The following NAA40 variants were observed in gnomAD, a reference collection of about 807,000 sequenced individuals.
NAA40 encodes the protein N-alpha-acetyltransferase 40.
Under a neutral mutation model 36.6 loss-of-function variants are expected in NAA40, and 26 were observed. The ratio of observed to expected loss-of-function variants is 0.71; its 90% CI spans 0.52 to 0.98. The LOEUF is 0.98. Among genes scored for constraint, NAA40 ranks in the 50% least tolerant of loss-of-function variants. The pLI is 0.00. For synonymous variants in NAA40, 129 were observed against 108.4 expected (o/e 1.19, Z -1.18); for missense variants, 237 against 306.5 (o/e 0.77, Z 1.69).
At chr11:63,950,124 T>TG (rs1162697611) in intron 3 of NAA40, among the ~76,000 whole-genome samples, 5 of 37,914 alleles carry the variant, frequency 1.3e-4, no homozygotes, top group African/African-American at 2.6e-4. Context: ...TTTTTTTTGT[T>TG]TTTTTTTTTT....
intron 6 of NAA40, among the ~76,000 whole-genome samples, chr11:63,953,617 T>C (rs200637342): frequency 6.6e-6 from 1 of 151,974 alleles, no homozygotes; most frequent in East Asian, 1.9e-4. Flanking sequence ...ATGACCTTAG[T>C]CTCTGTGTCT....
intron 2 of NAA40, chr11:63,946,717 C>T (rs1942192310): frequency 2.6e-6 from 4 of 1,518,262 alleles, no homozygotes; most frequent in African/African-American, 1.4e-5. Context: ...CTCCTCTTGC[C>T]CTGTCAGGTG....
chr11:63,954,297 A>G, intron 7 of NAA40, 41 bp from the exon 8 acceptor site: 1 of 1,550,782 alleles, frequency 6.4e-7, no homozygotes, highest in Middle Eastern at 1.9e-4. Context: ...GAAGGCACTC[A>G]GCTGCCTGCC....
chr11:63,942,914 C>A (rs1368668497), intron 1 of NAA40, among the ~76,000 whole-genome samples: 4 of 152,246 alleles, frequency 2.6e-5, no homozygotes, highest in Non-Finnish European at 5.9e-5. Flanking sequence ...CCGGCTGGCC[C>A]TCCTGCTGCT....
Position 63,952,426 on chromosome 11 carries a change from G to A in NAA40, c.271G>A (p.Gly91Ser). 2 of 1,614,214 alleles carry A rather than the reference G, an allele frequency of 1.2e-6. No homozygotes were observed. Among genetic ancestry groups the A allele is most frequent in the Non-Finnish European group, 1.7e-6 (2 of 1,180,036 alleles). ...CCCCAGGTATGAGCAGAGCGAGTGG[G>A]GCTGGAAGGACCGAGAGAAACGGGA... ...MQTMYEQSEW[G>S]WKDREKREEM... is the part of the protein sequence containing the mutation. The change falls in exon 5 of 8, where the codon GGC becomes AGC. Residue 91 changes from glycine to serine, a missense_variant. Gly to Ser is a moderately conservative substitution (Grantham distance 56, BLOSUM62 0). Coordinates refer to ENST00000377793, the MANE Select transcript of NAA40 (RefSeq NM_024771.4).
intron 1 of NAA40, among the ~76,000 whole-genome samples, chr11:63,939,914 C>T (rs1942079928): frequency 6.6e-6 from 1 of 152,042 alleles, no homozygotes; most frequent in East Asian, 1.9e-4. Flanking sequence ...AGTTTACTTT[C>T]CCGGGATATA....
At chr11:63,951,994 C>T (rs1007233264) in intron 3 of NAA40, among the ~76,000 whole-genome samples, 6 of 152,184 alleles carry the variant, frequency 3.9e-5, no homozygotes, top group Non-Finnish European at 7.3e-5. Context: ...ATTAGGACAG[C>T]TTGGGGAGGC....
Position 63,954,326 on chromosome 11 carries a change from C to T in NAA40, c.573-12C>T, listed in dbSNP as rs1590760778. ...GCCTGCCACCAACCCTTTTCTCCTG[C>T]CTGCCTTGCAGATTTGAAATTGATG... On this transcript the variant is annotated splice_polypyrimidine_tract_variant and intron_variant, in intron 7 of 7. Transcript: ENST00000377793. 6.3e-7 allele frequency: 1 copy of T among 1,576,020 alleles called. No individual in the cohort carries two copies. Among genetic ancestry groups the T allele is most frequent in the Non-Finnish European group, 8.6e-7 (1 of 1,160,890 alleles).
chr11:63,950,113 G>GT (rs1362519066), intron 3 of NAA40, among the ~76,000 whole-genome samples: 238 of 103,972 alleles, frequency 2.3e-3, no homozygotes, highest in African/African-American at 9.8e-3. Context: ...CTGGTATGAG[G>GT]TTTTTTTTGT....
intron 1 of NAA40, among the ~76,000 whole-genome samples, chr11:63,945,232 A>G (rs1409472298): frequency 6.6e-6 from 1 of 152,042 alleles, no homozygotes; most frequent in Non-Finnish European, 1.5e-5. Flanking sequence ...CTGCCCTGTC[A>G]CTGGGTGTGC....
At chr11:63,941,885 C>A (rs138425350) in intron 1 of NAA40, among the ~76,000 whole-genome samples, 2,461 of 152,134 alleles carry the variant, frequency 0.016, 43 homozygotes, top group Non-Finnish European at 0.023. Flanking sequence ...GTCTTTATGA[C>A]CCCTTCCAGT....
rs320127 is a variant in NAA40 at position 63,956,473 on chromosome 11, A to G, written c.*1994A>G. ...CGTTGTCTCTTTCCAGTCACTGGAT[A>G]CGTGGCACCAACTGGTCAATGGGTG... On this transcript the variant is annotated 3_prime_UTR_variant, in exon 8 of 8. Coordinates refer to ENST00000377793, the MANE Select transcript of NAA40 (RefSeq NM_024771.4). 0.99 allele frequency: 150,887 copies of G among 152,630 alleles called. 74,604 individuals are homozygous for G. The highest frequency in any genetic ancestry group is 1 in the Middle Eastern group (294 of 294). 9.5% of individuals were successfully genotyped at this position (152,630 alleles called of 1,614,324 possible).
Position 63,956,623 on chromosome 11 carries a change from C to G in NAA40, c.*2144C>G, listed in dbSNP as rs926934072. ...TGCAATCACTCTTGTTGGTCTTGAG[C>G]CCATTCATTTCCAAAACATCCATCT... is the stretch of plus-strand genomic sequence containing the variant. On this transcript the variant is annotated 3_prime_UTR_variant, in exon 8 of 8. Coordinates refer to ENST00000377793, the MANE Select transcript of NAA40 (RefSeq NM_024771.4). 6.5e-6 allele frequency: 1 copy of G among 152,674 alleles called. No individual in the cohort carries two copies. The highest frequency in any genetic ancestry group is 1.5e-5 in the Non-Finnish European group (1 of 68,116). 9.5% of individuals were successfully genotyped at this position (152,674 alleles called of 1,614,324 possible).
intron 6 of NAA40, 106 bp downstream of exon 6, chr11:63,952,945 C>T (rs1023320317): frequency 2.2e-6 from 2 of 906,410 alleles, no homozygotes; most frequent in African/African-American, 1.7e-5. Context: ...GGCTCATAGG[C>T]ATGTTTTGGG....
rs1942351374 is a variant in NAA40, at chr11:63,955,594, C to T, written c.*1115C>T. The T allele has an allele frequency of 6.5e-6, 1 of 152,684 alleles. No individual in the cohort carries two copies. The highest frequency in any genetic ancestry group is 2.1e-4 in the South Asian group (1 of 4,832). The allele number at this position is 152,684 out of a possible 1,614,324, so 9.5% of individuals were successfully genotyped here. ...TGCCCCTCGCTGCCTCAGTGAGGCA[C>T]TAGTGCCACTGCCGTGGCCCAGCCG... On this transcript the variant is annotated 3_prime_UTR_variant, in exon 8 of 8. Coordinates refer to ENST00000377793, the MANE Select transcript of NAA40 (RefSeq NM_024771.4).
chr11:63,951,406 C>T (rs534141178), intron 3 of NAA40, among the ~76,000 whole-genome samples: 3 of 152,180 alleles, frequency 2.0e-5, no homozygotes, highest in East Asian at 1.9e-4. Flanking sequence ...TGCAATGGCA[C>T]GATCTTGGCT....
At position 63,945,831 on chromosome 11, in the gene NAA40, C is replaced by T. The variant is rs61184552; in HGVS notation, c.7-9C>T. 1.1e-3 allele frequency: 1,792 copies of T among 1,613,478 alleles called. 21 individuals are homozygous for T. The African/African-American group carries it at 0.021, about 19-fold the overall frequency. On this transcript the variant is annotated splice_polypyrimidine_tract_variant and intron_variant, in intron 1 of 7. Transcript: ENST00000377793. ...CCATTCCAGCTAACGTTGCTTTTCC[C>T]TGTTGCAGAGAAAGTCAAGCAAAGC...
intron 3 of NAA40, among the ~76,000 whole-genome samples, chr11:63,948,030 T>G (rs1312139832): frequency 4.6e-5 from 7 of 151,972 alleles, no homozygotes; most frequent in Non-Finnish European, 8.8e-5. Context: ...AATTTTTGTA[T>G]TTTTAGTAGA....
At chr11:63,950,725 G>A (rs893613709) in intron 3 of NAA40, among the ~76,000 whole-genome samples, 4 of 152,090 alleles carry the variant, frequency 2.6e-5, no homozygotes, top group Non-Finnish European at 1.5e-5. Context: ...GCCTCCCAAA[G>A]TGCTGGGATT....
Sources: allele counts gnomAD v4.1 joint callset (sites outside exome capture counted in the v4.1 genomes callset), GRCh38; gene constraint gnomAD v4.1.1; transcripts MANE v1.5; gene names NCBI Gene and HGNC (gene_info 2026-07-23, HGNC 2026-07-21).